MTM1: variants seen among roughly 807,000 people sequenced by gnomAD.
MTM1 encodes the protein myotubularin.
MTM1 carries 9 observed loss-of-function variants against 52.1 expected under a neutral mutation model. That is an observed-to-expected ratio of 0.17 (90% CI 0.10 to 0.30). MTM1 has a LOEUF of 0.30. Among genes scored for constraint, MTM1 ranks in the 10% least tolerant of loss-of-function variants. The pLI is 1.00. For missense variants in MTM1, 277 were observed against 470.7 expected, an observed-to-expected ratio of 0.59 and a Z score of 3.81; for synonymous variants, 136 against 163.8, an observed-to-expected ratio of 0.83 and a Z score of 1.29.
intron 6 of MTM1, among the ~76,000 whole-genome samples, chrX:150,628,382 C>G (rs1289860601): frequency 9.0e-6 from 1 of 111,207 alleles, no homozygotes; most frequent in Non-Finnish European, 1.9e-5. Context: ...AGATCTAAGT[C>G]CTCTGCCTCT....
intron 1 of MTM1, among the ~76,000 whole-genome samples, chrX:150,577,082 T>A (rs2038485137): frequency 2.7e-5 from 3 of 112,684 alleles, no homozygotes; most frequent in Admixed American, 9.4e-5. Flanking sequence ...TTTTTGTGGC[T>A]GGCTTCTTTC....
intron 1 of MTM1, among the ~76,000 whole-genome samples, chrX:150,576,925 G>A (rs1441536390): frequency 9.0e-6 from 1 of 111,597 alleles, no homozygotes; most frequent in Non-Finnish European, 1.9e-5. Flanking sequence ...ATTCACCTGC[G>A]AGCTGTTTAG....
At chrX:150,616,953 T>C (rs1386536000) in intron 5 of MTM1, among the ~76,000 whole-genome samples, 1 of 111,980 alleles carries the variant, frequency 8.9e-6, no homozygotes, top group East Asian at 2.8e-4. Flanking sequence ...AGGAGACTCT[T>C]AGCCCATGTG....
chrX:150,583,818 A>T (rs868958448), intron 1 of MTM1, among the ~76,000 whole-genome samples: 37 of 49,838 alleles, frequency 7.4e-4, no homozygotes, highest in East Asian at 1.1e-3. Flanking sequence ...TATATATATT[A>T]AATATACAAA....
In MTM1 at chrX:150,609,251, T is replaced by C. The variant is rs782300261; in HGVS notation, c.232-5338T>C. ...TCTTCTAAAAGATCACCCTGGCTAC[T>C]CTAGGGGGAATGATCGTAGATTTTG... On this transcript the variant is annotated intron_variant, in intron 4 of 14. Transcript: ENST00000370396. Among the ~76,000 whole-genome samples the C allele has an allele frequency of 6.3e-5, 7 of 111,556 alleles. No homozygotes were observed. In the East Asian group the frequency reaches 1.7e-3, roughly 27 times the overall value.
chrX:150,640,469 C>A (rs1365444465), intron 7 of MTM1, among the ~76,000 whole-genome samples: 5 of 111,427 alleles, frequency 4.5e-5, no homozygotes, highest in African/African-American at 1.6e-4. Context: ...AATGTCTGTC[C>A]CCAAAGCAAA....
intron 9 of MTM1, among the ~76,000 whole-genome samples, chrX:150,646,076 A>G (rs1232574658): frequency 8.9e-6 from 1 of 112,356 alleles, no homozygotes; most frequent in African/African-American, 3.2e-5. Context: ...ACTTTAGGTA[A>G]ATAGGCATGT....
intron 8 of MTM1, among the ~76,000 whole-genome samples, chrX:150,644,617 T>C (rs1024441001): frequency 1.3e-4 from 14 of 111,594 alleles, no homozygotes; most frequent in Admixed American, 1.9e-4. Context: ...TAAGCTTCTT[T>C]CGTTCTTTGT....
intron 1 of MTM1, among the ~76,000 whole-genome samples, chrX:150,582,181 A>G (rs372736999): frequency 8.1e-5 from 9 of 111,427 alleles, no homozygotes; most frequent in African/African-American, 2.6e-4. Context: ...CTATATAGTT[A>G]CTGATTGTGA....
intron 6 of MTM1, among the ~76,000 whole-genome samples, chrX:150,624,816 G>T (rs1416751374): frequency 8.9e-6 from 1 of 112,411 alleles, no homozygotes; most frequent in Non-Finnish European, 1.9e-5. Context: ...ACCATTTTAG[G>T]TAATGGTAGA....
intron 4 of MTM1, among the ~76,000 whole-genome samples, chrX:150,601,644 A>G (rs2039068877): frequency 8.9e-6 from 1 of 111,986 alleles, no homozygotes; most frequent in South Asian, 3.7e-4. Flanking sequence ...AACAGTGTCC[A>G]TGTCCTGAGA....
rs1557415139 is a variant in MTM1, at chrX:150,671,480, A to G, written c.1697A>G (p.Glu566Gly). 8.3e-7 allele frequency: 1 copy of G among 1,211,185 alleles called. No individual in the cohort carries two copies. The highest frequency in any genetic ancestry group is 2.2e-5 in the Admixed American group (1 of 45,961). Residue 566 changes from glutamate (E) to glycine (G), a missense_variant, in exon 15 of 15, where the codon GAA becomes GGA. Around this residue, in one of 4 missense-constraint regions of MTM1, gnomAD observed 51 missense variants for 52.2 expected, o/e 0.98. Coordinates refer to ENST00000370396, the MANE Select transcript of MTM1 (RefSeq NM_000252.3). ...ATGGAGCTCTTAGCCTTACGCGACG[A>G]ATACATAAAGCGGCTTGAGGAACTG... The part of the protein sequence containing the change: ...RYMELLALRD[E>G]YIKRLEELQL...
chrX:150,606,944 TCCCCTC>T (rs1336629689), intron 4 of MTM1, among the ~76,000 whole-genome samples: 19 of 16,739 alleles, frequency 1.1e-3, no homozygotes, highest in Non-Finnish European at 2.0e-4. Context: ...TTCCCTTCCC[TCCCCTC>T]CCCCTCCCCT....
intron 3 of MTM1, among the ~76,000 whole-genome samples, chrX:150,597,866 C>G (rs1557412638): frequency 9.0e-6 from 1 of 111,253 alleles, no homozygotes; most frequent in Non-Finnish European, 1.9e-5. Context: ...GTAGGAGGAT[C>G]ACTTGAGGCC....
At chrX:150,604,128 T>C (rs2148440753) in intron 4 of MTM1, among the ~76,000 whole-genome samples, 1 of 111,831 alleles carries the variant, frequency 8.9e-6, no homozygotes, top group Non-Finnish European at 1.9e-5. Flanking sequence ...ATGTGAGTCC[T>C]TGGGTCTTTC....
rs3736637 is a variant in MTM1 at position 150,620,068 on chromosome X, T to G, written c.444+929T>G. Reference sequence around the variant, plus strand: ...TTTTAAAAATATGTCTATATTAGAGTTTTTAATTCTATTAGGATAAAAAGA... The same window carrying G: ...TTTTAAAAATATGTCTATATTAGAGGTTTTAATTCTATTAGGATAAAAAGA... On this transcript the variant is annotated intron_variant, in intron 6 of 14. Transcript: ENST00000370396. 3.8e-4 allele frequency among the ~76,000 whole-genome samples: 42 copies of G among 111,440 alleles called. No homozygotes were observed. The East Asian group carries it at 0.012, about 31-fold the overall frequency.
At chrX:150,627,566 C>G (rs2039591553) in intron 6 of MTM1, among the ~76,000 whole-genome samples, 1 of 111,631 alleles carries the variant, frequency 9.0e-6, no homozygotes, top group African/African-American at 3.3e-5. Flanking sequence ...TCAGATTTCT[C>G]ATCCTCTTTT....
intron 1 of MTM1, among the ~76,000 whole-genome samples, chrX:150,579,084 C>T (rs1453903641): frequency 9.1e-6 from 1 of 109,487 alleles, no homozygotes; most frequent in African/African-American, 3.3e-5. Context: ...GATGGAGTTT[C>T]GCTTTTGTTG....
chrX:150,638,983 A>G lies in MTM1; in HGVS notation c.485A>G (p.Asp162Gly). Reference protein sequence around the residue: ...AFLNEEKFNVDGWTVYNPVEE... With the variant: ...AFLNEEKFNVGGWTVYNPVEE... ...TTAAATGAAGAAAAGTTTAACGTGG[A>G]TGGATGGACAGTTTACAATCCAGTG... Residue 162 changes from aspartate (D) to glycine (G), a missense_variant, in exon 7 of 15, where the codon GAT becomes GGT. This residue lies in a region of MTM1 where 164 missense variants were observed against 283.3 expected (regional missense o/e 0.58). Transcript: ENST00000370396. 8.3e-7 allele frequency: 1 copy of G among 1,209,120 alleles called. No homozygotes were observed. Among genetic ancestry groups the G allele is most frequent in the African/African-American group, 1.7e-5 (1 of 57,824 alleles).
Sources: allele counts gnomAD v4.1 joint callset (sites outside exome capture counted in the v4.1 genomes callset), GRCh38; gene constraint gnomAD v4.1.1; regional missense constraint gnomAD v4.1.1; transcripts MANE v1.5; gene names NCBI Gene and HGNC (gene_info 2026-07-23, HGNC 2026-07-21).